The following PDZK1 variants were observed in gnomAD, a reference collection of about 807,000 sequenced individuals.
PDZK1 encodes the protein PDZ domain containing 1, also known as Na(+)/H(+) exchange regulatory cofactor NHE-RF3.
PDZK1 carries 23 observed loss-of-function variants against 38.1 expected under a neutral mutation model. That is an observed-to-expected ratio of 0.60 (90% confidence interval 0.43 to 0.85). The LOEUF (loss-of-function observed/expected upper bound fraction) is 0.85, where lower values mean the gene tolerates loss of function less well. PDZK1 is among the 40% of genes least tolerant of loss of function. The pLI, the probability that PDZK1 is intolerant of heterozygous loss-of-function variation, is 0.00. For missense variants in PDZK1, 297 were observed against 504.3 expected, an observed-to-expected ratio of 0.59 and a Z score of 3.94; for synonymous variants, 98 against 186.2, an observed-to-expected ratio of 0.53 and a Z score of 3.86.
chr1:145,686,630 T>G lies in PDZK1; in HGVS notation c.307A>C (p.Lys103Gln). The G allele has an allele frequency of 6.2e-7, 1 of 1,602,680 alleles. No individual in the cohort carries two copies. The highest frequency in any genetic ancestry group is 1.1e-5 in the South Asian group (1 of 90,202). Residue 103 changes from lysine to glutamine, a missense_variant, in exon 3 of 9, where the codon AAA (lysine) becomes CAA (glutamine). Lys to Gln is a moderately conservative substitution (Grantham distance 53). Coordinates refer to ENST00000417171, the MANE Select transcript of PDZK1 (RefSeq NM_001201325.2). ...TCCTTCTGACTTTGACCCAACTCTT[T>G]CAAGTCCACCCGTGTTTTCACTGCT... is the stretch of plus-strand genomic sequence containing the variant. Reference protein sequence around the residue: ...EKAVKTRVDLKELGQSQKEQG... With the variant: ...EKAVKTRVDLQELGQSQKEQG...
intron 5 of PDZK1, among the ~76,000 whole-genome samples, chr1:145,679,344 C>A (rs1654015700): frequency 6.6e-6 from 1 of 152,104 alleles, no homozygotes; most frequent in Non-Finnish European, 1.5e-5. Flanking sequence ...GCAACATCAT[C>A]CCAGTCACCA....
intron 1 of PDZK1, among the ~76,000 whole-genome samples, chr1:145,702,560 T>C (rs1656021939): frequency 6.6e-6 from 1 of 152,130 alleles, no homozygotes; most frequent in Non-Finnish European, 1.5e-5. Flanking sequence ...CTGGTTTTAT[T>C]ATACTACCAT....
At chr1:145,695,764 C>G (rs963502799) in intron 1 of PDZK1, among the ~76,000 whole-genome samples, 1 of 152,106 alleles carries the variant, frequency 6.6e-6, no homozygotes, top group Non-Finnish European at 1.5e-5. Flanking sequence ...CCTACTCACA[C>G]GTGATAAAGG....
chr1:145,679,462 A>G (rs1654026149), intron 5 of PDZK1, among the ~76,000 whole-genome samples: 2 of 152,116 alleles, frequency 1.3e-5, no homozygotes, highest in Non-Finnish European at 2.9e-5. Context: ...CTCTACCCTG[A>G]ATGCAGTTTG....
At chr1:145,676,910 T>C (rs1199375520) in intron 6 of PDZK1, among the ~76,000 whole-genome samples, 10 of 151,902 alleles carry the variant, frequency 6.6e-5, no homozygotes, top group Admixed American at 1.3e-4. Context: ...ACAATATTGA[T>C]TGAACAAATA....
Position 145,687,884 on chromosome 1 carries a change from C to G in PDZK1, c.138G>C (p.Lys46Asn). The G allele has an allele frequency of 1.2e-6, 2 of 1,613,948 alleles. No homozygotes were observed. Among genetic ancestry groups the G allele is most frequent in the Non-Finnish European group, 1.7e-6 (2 of 1,179,960 alleles). ...CTCTGTCTCCATCTTGAAGGCCAGCCTTCTCTGCTGGGCTACACTTCTCAA... is the reference window on the plus strand; with the variant it reads ...CTCTGTCTCCATCTTGAAGGCCAGCGTTCTCTGCTGGGCTACACTTCTCAA... The part of the protein sequence containing the change: ...RVVEKCSPAE[K>N]AGLQDGDRVL... Residue 46 changes from lysine (K) to asparagine (N), a missense_variant, in exon 2 of 9, where the codon AAG becomes AAC. Coordinates refer to ENST00000417171, the MANE Select transcript of PDZK1 (RefSeq NM_001201325.2).
intron 2 of PDZK1, among the ~76,000 whole-genome samples, chr1:145,687,363 C>CAA (rs879982021): frequency 2.9e-5 from 3 of 103,642 alleles, no homozygotes; most frequent in Non-Finnish European, 4.1e-5. Flanking sequence ...ACTAAAAATA[C>CAA]AAAAAAAAAA....
At chr1:145,679,231 C>G (rs587685104) in intron 5 of PDZK1, among the ~76,000 whole-genome samples, 3 of 150,126 alleles carry the variant, frequency 2.0e-5, no homozygotes, top group Non-Finnish European at 4.4e-5. Flanking sequence ...GTATCTCCAA[C>G]AAAATATCTC....
intron 1 of PDZK1, among the ~76,000 whole-genome samples, chr1:145,693,457 A>G (rs587596357): frequency 5.2e-4 from 79 of 152,200 alleles, no homozygotes; most frequent in African/African-American, 1.8e-3. Flanking sequence ...AACCAGATCA[A>G]AGGAACTAGA....
At chr1:145,688,646 G>A in intron 1 of PDZK1, among the ~76,000 whole-genome samples, 1 of 152,084 alleles carries the variant, frequency 6.6e-6, no homozygotes, top group East Asian at 1.9e-4. Flanking sequence ...GGTGAGGTAG[G>A]ACAGGACAAG....
At chr1:145,707,107 G>A (rs1288770390) in intron 1 of PDZK1, among the ~76,000 whole-genome samples, 2 of 152,038 alleles carry the variant, frequency 1.3e-5, no homozygotes, top group Non-Finnish European at 2.9e-5. Context: ...CAAAGGTGAG[G>A]GGCATCTCCA....
At chr1:145,697,104 G>C (rs1209798771) in intron 1 of PDZK1, among the ~76,000 whole-genome samples, 1 of 152,198 alleles carries the variant, frequency 6.6e-6, no homozygotes, top group Non-Finnish European at 1.5e-5. Flanking sequence ...GAGGCGGGTA[G>C]ATCATTTGAG....
intron 1 of PDZK1, among the ~76,000 whole-genome samples, chr1:145,706,912 A>G (rs868933410): frequency 6.6e-5 from 10 of 151,926 alleles, no homozygotes; most frequent in African/African-American, 2.4e-4. Context: ...GGCTGCTTCC[A>G]GAAGAGTCTT....
Position 145,671,469 on chromosome 1 carries a change from A to C in PDZK1, c.1527T>G (p.His509Gln). The C allele has an allele frequency of 6.3e-7, 1 of 1,576,578 alleles. No individual in the cohort carries two copies. Among genetic ancestry groups the C allele is most frequent in the African/African-American group, 1.3e-5 (1 of 74,208 alleles). ...AKERAHSTAS[H>Q]SSSNSEDTEM ...CTGTATCTTCAGAATTGGAAGAAGA[A>C]TGTGAGGCTGTACTGTGGGCCTGTG... Residue 509 changes from histidine (H) to glutamine (Q), a missense_variant, in exon 9 of 9, where the codon CAT (histidine) becomes CAG (glutamine). Physicochemically the swap from His to Gln is conservative, Grantham distance 24. Around this residue, in one of 5 missense-constraint regions of PDZK1, gnomAD observed 54 missense variants for 72.1 expected, o/e 0.75. Transcript: ENST00000417171.
intron 1 of PDZK1, among the ~76,000 whole-genome samples, chr1:145,706,350 A>G (rs1656248106): frequency 6.6e-6 from 1 of 152,220 alleles, no homozygotes; most frequent in South Asian, 2.1e-4. Context: ...AGTTACTATC[A>G]TAACACAGAA....
chr1:145,686,501 C>G lies in PDZK1; in HGVS notation c.436G>C (p.Gly146Arg). ...CYLVKEGGSY[G>R]FSLKTVQGKK... is the part of the protein sequence containing the mutation. ...CCTTGGACAGTTTTCAGAGAGAAGC[C>G]ATAGCTGCCTCCTTCCTTCACGAGA... is the stretch of plus-strand genomic sequence containing the variant. Residue 146 changes from glycine (G) to arginine (R), a missense_variant, in exon 3 of 9, where the codon GGC (glycine) becomes CGC (arginine). Physicochemically the swap from Gly to Arg is moderately radical, Grantham distance 125. Transcript: ENST00000417171. The G allele has an allele frequency of 6.2e-7, 1 of 1,612,024 alleles. No homozygotes were observed. The highest frequency in any genetic ancestry group is 8.5e-7 in the Non-Finnish European group (1 of 1,179,858).
intron 1 of PDZK1, among the ~76,000 whole-genome samples, chr1:145,704,427 G>A (rs1280281961): frequency 6.6e-6 from 1 of 152,110 alleles, no homozygotes; most frequent in Non-Finnish European, 1.5e-5. Context: ...GCCATTCCCT[G>A]GGTTCCTTCA....
At chr1:145,692,759 G>A (rs989503819) in intron 1 of PDZK1, among the ~76,000 whole-genome samples, 5 of 151,770 alleles carry the variant, frequency 3.3e-5, no homozygotes, top group Non-Finnish European at 7.4e-5. Flanking sequence ...TCTGGACTGG[G>A]CGCAGTGGCT....
chr1:145,699,431 A>G (rs1482786977), intron 1 of PDZK1, among the ~76,000 whole-genome samples: 3 of 152,100 alleles, frequency 2.0e-5, no homozygotes, highest in Non-Finnish European at 2.9e-5. Context: ...TAACAAGCCC[A>G]TAAGAGTAGG....
Sources: gnomAD v4.1 joint callset for allele counts (sites outside exome capture counted in the v4.1 genomes callset) on GRCh38, gnomAD v4.1.1 for gene constraint, gnomAD v4.1.1 regional missense constraint, MANE v1.5 for transcripts, NCBI Gene and HGNC (gene_info 2026-07-23, HGNC 2026-07-21) for gene names.